Variants in ABCA4 observed in about 807,000 individuals in gnomAD.
ABCA4 encodes retinal-specific phospholipid-transporting ATPase ABCA4.
ABCA4 carries 196 observed loss-of-function variants against 263.7 expected under a neutral mutation model. That is an observed-to-expected ratio of 0.74 (90% CI 0.66 to 0.84). ABCA4 has a LOEUF of 0.84. Among genes scored for constraint, ABCA4 ranks in the 40% least tolerant of loss-of-function variants. The pLI is 0.00. For synonymous variants in ABCA4, 1,133 were observed against 1,094.2 expected, an observed-to-expected ratio of 1.04 and a Z score of -0.70; for missense variants, 2,792 against 2,855.1, an observed-to-expected ratio of 0.98 and a Z score of 0.50.
rs200297761 is a variant in ABCA4, at chr1:94,011,364, C to A, written c.5482G>T (p.Val1828Leu). Reference protein sequence around the residue: ...NNRTLLRFNAVLRKLLIVFPH... With the variant: ...NNRTLLRFNALLRKLLIVFPH... Reference sequence around the variant, plus strand: ...AAGACAATGAGCAGCTTCCTCAGCACGGCGTTGAACCTGAGCAGCGTCTGA... The same window carrying A: ...AAGACAATGAGCAGCTTCCTCAGCAAGGCGTTGAACCTGAGCAGCGTCTGA... Residue 1828 changes from valine to leucine, a missense_variant, in exon 39 of 50, where the codon GTG (valine) becomes TTG (leucine). Transcript: ENST00000370225. 6.2e-7 allele frequency: 1 copy of A among 1,613,926 alleles called. No individual in the cohort carries two copies. The highest frequency in any genetic ancestry group is 8.5e-7 in the Non-Finnish European group (1 of 1,179,994).
At chr1:94,039,699 C>T (rs975570421) in intron 24 of ABCA4, among the ~76,000 whole-genome samples, 11 of 152,200 alleles carry the variant, frequency 7.2e-5, no homozygotes, top group African/African-American at 2.7e-4. Context: ...CTAGAGGGCG[C>T]CACGGCACAC....
chr1:94,000,980 C>A, intron 46 of ABCA4, 22 bp downstream of exon 46: 1 of 1,614,088 alleles, frequency 6.2e-7, no homozygotes, highest in Non-Finnish European at 8.5e-7. Flanking sequence ...ACCCACCTTC[C>A]CCAGCCCTGG....
intron 7 of ABCA4, among the ~76,000 whole-genome samples, chr1:94,082,973 G>C (rs893221340): frequency 2.0e-5 from 3 of 152,184 alleles, no homozygotes; most frequent in Non-Finnish European, 4.4e-5. Context: ...AGCTATAAAG[G>C]TGTATGCTAT....
chr1:94,088,702 C>T (rs934153275), intron 6 of ABCA4, among the ~76,000 whole-genome samples: 1 of 152,112 alleles, frequency 6.6e-6, no homozygotes, highest in Non-Finnish European at 1.5e-5. Flanking sequence ...AGGATGAGCC[C>T]TTAGATAGCA....
chr1:94,000,704 A>G, intron 47 of ABCA4, 132 bp downstream of exon 47: 1 of 927,506 alleles, frequency 1.1e-6, no homozygotes, highest in Non-Finnish European at 1.8e-6. Flanking sequence ...CTGGAGAATG[A>G]GGCCCAGCCA....
At chr1:94,019,019 GTTTTTTTTTTTTTT>G (rs757258025) in intron 36 of ABCA4, among the ~76,000 whole-genome samples, 1 of 76,436 alleles carries the variant, frequency 1.3e-5, no homozygotes, top group South Asian at 4.7e-4. Context: ...AAACAACCAG[GTTTTTTTTTTTTTT>G]TTTTTTTTTT....
At chr1:94,049,765 C>T (rs1660783443) in intron 17 of ABCA4, among the ~76,000 whole-genome samples, 1 of 152,068 alleles carries the variant, frequency 6.6e-6, no homozygotes, top group Non-Finnish European at 1.5e-5. Context: ...AGGGTTGAGC[C>T]TGGTGATGGT....
At chr1:94,117,892 C>T (rs1282444782) in intron 1 of ABCA4, among the ~76,000 whole-genome samples, 2 of 152,164 alleles carry the variant, frequency 1.3e-5, no homozygotes, top group Non-Finnish European at 1.5e-5. Context: ...TTTTCCAGGT[C>T]CAGTGTTGGT....
rs758584771 is a variant in ABCA4, at chr1:94,077,716, G to C, written c.1528C>G (p.Leu510Val). ...RDIFNITDRT[L>V]RLVNQYLECL... Reference sequence around the variant, plus strand: ...TCCAGGTATTGATTGACCAGGCGGAGGGTGCGATCAGTGATGTTAAATATG... The same window carrying C: ...TCCAGGTATTGATTGACCAGGCGGACGGTGCGATCAGTGATGTTAAATATG... Residue 510 changes from leucine (L) to valine (V), a missense_variant, in exon 11 of 50, where the codon CTC becomes GTC. Leu to Val is a conservative substitution (Grantham distance 32). Coordinates refer to ENST00000370225, the MANE Select transcript of ABCA4 (RefSeq NM_000350.3). 3.7e-6 allele frequency: 6 copies of C among 1,613,666 alleles called. No homozygotes were observed. Among genetic ancestry groups the C allele is most frequent in the African/African-American group, 1.3e-5 (1 of 75,046 alleles).
At chr1:94,058,229 C>T (rs1476394450) in intron 14 of ABCA4, among the ~76,000 whole-genome samples, 1 of 152,216 alleles carries the variant, frequency 6.6e-6, no homozygotes, top group Non-Finnish European at 1.5e-5. Context: ...AATTAGGACT[C>T]AGAGCTCCTG....
At chr1:94,066,637 C>T (rs1314553738) in intron 11 of ABCA4, among the ~76,000 whole-genome samples, 1 of 152,228 alleles carries the variant, frequency 6.6e-6, no homozygotes, top group Non-Finnish European at 1.5e-5. Context: ...AAGGGCCTTG[C>T]CCAAGGTCAA....
chr1:94,114,705 T>G (rs1348974869), intron 1 of ABCA4, among the ~76,000 whole-genome samples: 1 of 152,170 alleles, frequency 6.6e-6, no homozygotes, highest in African/African-American at 2.4e-5. Context: ...GCCAGGATGG[T>G]CTCGATCTCC....
intron 1 of ABCA4, among the ~76,000 whole-genome samples, chr1:94,113,798 C>A (rs1230526081): frequency 1.3e-5 from 2 of 152,248 alleles, no homozygotes; most frequent in Admixed American, 1.3e-4. Context: ...TTGGAAGAGG[C>A]TGCTGATGTT....
At chr1:94,050,845 G>A (rs999667401) in intron 17 of ABCA4, among the ~76,000 whole-genome samples, 1 of 152,230 alleles carries the variant, frequency 6.6e-6, no homozygotes, top group African/African-American at 2.4e-5. Context: ...GTGCTTGCAG[G>A]ATAAGTCCTG....
At chr1:94,055,633 C>G (rs1175983431) in intron 15 of ABCA4, among the ~76,000 whole-genome samples, 1 of 152,192 alleles carries the variant, frequency 6.6e-6, no homozygotes, top group African/African-American at 2.4e-5. Context: ...GCCTCAAATT[C>G]CATCTGCCTA....
intron 26 of ABCA4, among the ~76,000 whole-genome samples, chr1:94,035,456 G>A (rs1660311727): frequency 6.6e-6 from 1 of 152,166 alleles, no homozygotes; most frequent in Admixed American, 6.5e-5. Flanking sequence ...TACTGGGATG[G>A]GCTGAAGCAT....
intron 31 of ABCA4, among the ~76,000 whole-genome samples, chr1:94,024,560 C>A (rs1474384863): frequency 6.6e-6 from 1 of 152,136 alleles, no homozygotes; most frequent in Non-Finnish European, 1.5e-5. Flanking sequence ...CTTATTTTCT[C>A]TTTTTCTTCT....
chr1:94,091,062 C>T (rs766894236), intron 6 of ABCA4, among the ~76,000 whole-genome samples: 1 of 152,038 alleles, frequency 6.6e-6, no homozygotes, highest in Non-Finnish European at 1.5e-5. Flanking sequence ...AGAGAGTCAG[C>T]AAGAAAGAGT....
intron 36 of ABCA4, among the ~76,000 whole-genome samples, chr1:94,017,470 A>G (rs1054602984): frequency 6.6e-6 from 1 of 152,262 alleles, no homozygotes; most frequent in Non-Finnish European, 1.5e-5. Flanking sequence ...ATGAGTGTTA[A>G]CAAAAGACTG....
Sources: gnomAD v4.1 joint callset for allele counts (sites outside exome capture counted in the v4.1 genomes callset) on GRCh38, gnomAD v4.1.1 for gene constraint, MANE v1.5 for transcripts, NCBI Gene and HGNC (gene_info 2026-07-23, HGNC 2026-07-21) for gene names.